The following SPATA6L variants were observed in gnomAD, a reference collection of about 807,000 sequenced individuals.
SPATA6L encodes the protein spermatogenesis associated 6 like.
Under a neutral mutation model 49.2 loss-of-function variants are expected in SPATA6L, and 68 were observed. The ratio of observed to expected loss-of-function variants is 1.38; its 90% CI spans 1.14 to 1.69. The LOEUF is 1.69. Among genes scored for constraint, SPATA6L ranks in the 40% most tolerant of loss-of-function variants. SPATA6L has a pLI of 0.00. For missense variants in SPATA6L, 668 were observed against 464.3 expected (o/e 1.44, Z -4.03); for synonymous variants, 198 against 165.7 (o/e 1.19, Z -1.50).
chr9:4,660,399 G>T (rs1408606165), intron 2 of SPATA6L, among the ~76,000 whole-genome samples: 1 of 152,178 alleles, frequency 6.6e-6, no homozygotes, highest in African/African-American at 2.4e-5. Context: ...CTCAAAAGAA[G>T]ACATTTACAC....
chr9:4,624,850 A>T (rs1830047469), intron 6 of SPATA6L, among the ~76,000 whole-genome samples: 1 of 152,166 alleles, frequency 6.6e-6, no homozygotes, highest in African/African-American at 2.4e-5. Flanking sequence ...ATCGCACAAC[A>T]TTGCTTCTTC....
At chr9:4,642,982 G>C (rs1308360606) in intron 3 of SPATA6L, among the ~76,000 whole-genome samples, 1 of 152,090 alleles carries the variant, frequency 6.6e-6, no homozygotes, top group African/African-American at 2.4e-5. Flanking sequence ...AAGGGAGATA[G>C]ATCATAAAAT....
At chr9:4,661,806 A>C in intron 2 of SPATA6L, 93 bp downstream of exon 2, 1 of 1,417,766 alleles carries the variant, frequency 7.1e-7, no homozygotes, top group Non-Finnish European at 9.5e-7. Context: ...TTAAAAATGA[A>C]ATTTACCAAA....
chr9:4,657,702 A>C (rs764719906), intron 2 of SPATA6L, among the ~76,000 whole-genome samples: 1 of 152,188 alleles, frequency 6.6e-6, no homozygotes, highest in Non-Finnish European at 1.5e-5. Context: ...CATGAAAATA[A>C]GACAAAGAAA....
intron 1 of SPATA6L, chr9:4,663,233 G>A (rs1465016139): frequency 8.1e-6 from 13 of 1,613,880 alleles, no homozygotes; most frequent in Non-Finnish European, 1.1e-5. Flanking sequence ...ATAATGCTCC[G>A]GTCCTCTTTT....
intron 13 of SPATA6L, among the ~76,000 whole-genome samples, chr9:4,589,580 T>C (rs559728778): frequency 2.7e-4 from 41 of 152,224 alleles, no homozygotes; most frequent in African/African-American, 9.4e-4. Context: ...ATGTAGGAGG[T>C]AAACAAAAAA....
intron 2 of SPATA6L, among the ~76,000 whole-genome samples, chr9:4,657,974 C>A (rs1432350515): frequency 6.6e-6 from 1 of 152,116 alleles, no homozygotes; most frequent in Non-Finnish European, 1.5e-5. Flanking sequence ...TTTAACAGTA[C>A]ACACACAGAG....
At chr9:4,612,044 T>C (rs1826885215) in intron 9 of SPATA6L, among the ~76,000 whole-genome samples, 1 of 151,904 alleles carries the variant, frequency 6.6e-6, no homozygotes, top group African/African-American at 2.4e-5. Context: ...AGGGTCTTGC[T>C]ACCCAGGCTG....
intron 9 of SPATA6L, among the ~76,000 whole-genome samples, chr9:4,616,608 G>A (rs538684890): frequency 6.6e-5 from 10 of 152,222 alleles, no homozygotes; most frequent in Non-Finnish European, 1.3e-4. Context: ...TGTTTTAAAC[G>A]GAATTGCGCT....
chr9:4,605,448 A>ATCTGTTGAGCAGGTT lies in SPATA6L; in HGVS notation c.996-9_996-8insAACCTGCTCAACAGA. Reference sequence around the variant, plus strand: ...TGAGAACCAGGATGGAACCTGCTCAACAGATGGAACAGGGTGGAATATTAA... The same window carrying ATCTGTTGAGCAGGTT: ...TGAGAACCAGGATGGAACCTGCTCAATCTGTTGAGCAGGTTCAGATGGAACAGGGTGGAATATTAA... On this transcript the variant is annotated splice_polypyrimidine_tract_variant and intron_variant, in intron 9 of 11. Transcript: ENST00000682582. 1 of 1,603,168 alleles carries ATCTGTTGAGCAGGTT rather than the reference A, an allele frequency of 6.2e-7. No individual in the cohort carries two copies. The highest frequency in any genetic ancestry group is 8.5e-7 in the Non-Finnish European group (1 of 1,169,958).
intron 4 of SPATA6L, among the ~76,000 whole-genome samples, chr9:4,630,343 A>T (rs532352488): frequency 1.3e-5 from 2 of 152,306 alleles, no homozygotes; most frequent in East Asian, 3.9e-4. Context: ...AGGCCTAAAG[A>T]GACATTAAGG....
At position 4,625,524 on chromosome 9, in the gene SPATA6L, C is replaced by G; in HGVS notation, c.472G>C (p.Glu158Gln). Residue 158 changes from glutamate (E) to glutamine (Q), a missense_variant, in exon 6 of 12, where the codon GAA becomes CAA. By Grantham distance (29) the Glu-to-Gln change is conservative. Coordinates refer to ENST00000682582, the MANE Select transcript of SPATA6L (RefSeq NM_001353486.2). ...ATAGTATTTAAGGGAAATATTGGTT[C>G]ATGTGATGTAGATAAAGGCCTCCGT... ...ESRRPLSTSH[E>Q]PIFPLNTIKM... 1 of 1,612,166 alleles carries G rather than the reference C, an allele frequency of 6.2e-7. No individual in the cohort carries two copies. Among genetic ancestry groups the G allele is most frequent in the Non-Finnish European group, 8.5e-7 (1 of 1,179,118 alleles).
At chr9:4,633,861 G>A (rs757635469) in intron 4 of SPATA6L, 9 of 152,176 alleles carry the variant, frequency 5.9e-5, no homozygotes, top group Non-Finnish European at 8.8e-5. Flanking sequence ...GAATGGTTGA[G>A]AGAAATTGAG....
Position 4,662,845 on chromosome 9 carries a change from G to T in SPATA6L, c.40-809C>A. 1 of 1,605,246 alleles carries T rather than the reference G, an allele frequency of 6.2e-7. No individual in the cohort carries two copies. Among genetic ancestry groups the T allele is most frequent in the Non-Finnish European group, 8.5e-7 (1 of 1,179,962 alleles). ...GGCACCCTCTACTGCCTGTGCAGGA[G>T]CGACAGCTGGGCCGGGCGCGAGGTG... On this transcript the variant is annotated intron_variant, in intron 1 of 11. Coordinates refer to ENST00000682582, the MANE Select transcript of SPATA6L (RefSeq NM_001353486.2). This position sits in a 1 kb window ranked among gnomAD's most constrained non-coding sequence, Gnocchi z 4.9.
intron 11 of SPATA6L, among the ~76,000 whole-genome samples, chr9:4,602,667 T>C (rs538368200): frequency 6.6e-6 from 1 of 152,278 alleles, no homozygotes; most frequent in Admixed American, 6.5e-5. Context: ...CAAAGGCCAA[T>C]GCCCACGAAC....
intron 2 of SPATA6L, among the ~76,000 whole-genome samples, chr9:4,657,985 T>G (rs1046177156): frequency 3.4e-4 from 51 of 151,522 alleles, no homozygotes; most frequent in Admixed American, 3.4e-3. Context: ...ACACACAGAG[T>G]GAATGCCGTG....
intron 3 of SPATA6L, among the ~76,000 whole-genome samples, chr9:4,641,134 CAT>C (rs1833944274): frequency 1.2e-4 from 19 of 152,112 alleles, no homozygotes. Flanking sequence ...CTTGGACTGT[CAT>C]ATGTCTTTCA....
chr9:4,629,062 T>C, intron 5 of SPATA6L, 29 bp downstream of exon 5: 1 of 1,503,540 alleles, frequency 6.7e-7, no homozygotes, highest in Admixed American at 1.9e-5. Flanking sequence ...ATCCGGTCAT[T>C]TCTATCACTA....
At chr9:4,665,302 G>C (rs1305399075) in intron 1 of SPATA6L, 1 of 156,956 alleles carries the variant, frequency 6.4e-6, no homozygotes, top group Non-Finnish European at 1.5e-5. Flanking sequence ...TTGATGAGGA[G>C]GGAGACAGAT....
Sources: allele counts gnomAD v4.1 joint callset (sites outside exome capture counted in the v4.1 genomes callset), GRCh38; gene constraint gnomAD v4.1.1; non-coding constraint Gnocchi (gnomAD v3.1); transcripts MANE v1.5; gene names NCBI Gene and HGNC (gene_info 2026-07-23, HGNC 2026-07-21).